The following ELAVL1 variants were observed in gnomAD, a reference collection of about 807,000 sequenced individuals.
ELAVL1 encodes the protein ELAV like RNA binding protein 1.
A neutral mutation model predicts 28.4 loss-of-function variants in ELAVL1; 1 was observed. The ratio of observed to expected loss-of-function variants is 0.04; its 90% confidence interval spans 0.01 to 0.17. The LOEUF (loss-of-function observed/expected upper bound fraction) is 0.17. Among genes scored for constraint, ELAVL1 ranks in the 10% least tolerant of loss-of-function variants. ELAVL1 has a pLI of 1.00. For missense variants in ELAVL1, 157 were observed against 447.2 expected (o/e 0.35, Z 5.85); for synonymous variants, 174 against 183.5 (o/e 0.95, Z 0.42).
chr19:7,990,668 A>C (rs1985727918), intron 2 of ELAVL1, among the ~76,000 whole-genome samples: 2 of 152,140 alleles, frequency 1.3e-5, no homozygotes, highest in Non-Finnish European at 2.9e-5. Flanking sequence ...GCCCAGCCTG[A>C]AGTGAGTTTT....
At position 7,959,067 on chromosome 19, in the gene ELAVL1, A is replaced by T. The variant is rs1256908022; in HGVS notation, c.*4416T>A. On this transcript the variant is annotated 3_prime_UTR_variant, in exon 6 of 6. Coordinates refer to ENST00000407627, the MANE Select transcript of ELAVL1 (RefSeq NM_001419.3). Reference sequence around the variant, plus strand: ...TTTATTCACAAGGATTAAAAAAAAAAAATAAAAAGGCAATGGGCTGATGGA... The same window carrying T: ...TTTATTCACAAGGATTAAAAAAAAATAATAAAAAGGCAATGGGCTGATGGA... 1.3e-5 allele frequency: 2 copies of T among 153,520 alleles called. No individual in the cohort carries two copies. The highest frequency in any genetic ancestry group is 2.9e-5 in the Non-Finnish European group (2 of 68,008). 9.5% of individuals were successfully genotyped at this position (153,520 alleles called of 1,614,324 possible). A position where few individuals can be genotyped will look rare whatever the true frequency, so the allele number is the denominator to read the frequency against.
intron 2 of ELAVL1, among the ~76,000 whole-genome samples, chr19:7,985,110 G>C (rs918016415): frequency 8.5e-5 from 13 of 152,166 alleles, no homozygotes; most frequent in Admixed American, 8.5e-4. Flanking sequence ...TGTAGAGATG[G>C]GGTTTCGCCA....
chr19:7,980,983 G>GCT, intron 3 of ELAVL1, 100 bp downstream of exon 3: 2 of 1,209,684 alleles, frequency 1.7e-6, no homozygotes, highest in South Asian at 2.5e-5. Flanking sequence ...GAGCGGCTGT[G>GCT]CTCATAGTCC....
In ELAVL1 at chr19:7,959,187, T is replaced by C. The variant is rs1984737926; in HGVS notation, c.*4296A>G. On this transcript the variant is annotated 3_prime_UTR_variant, in exon 6 of 6. Coordinates refer to ENST00000407627, the MANE Select transcript of ELAVL1 (RefSeq NM_001419.3). ...CTTCAAAAGAACACAATGGGATTCA[T>C]TTTATTGTTGACTTTTGGACACCAG... The C allele has an allele frequency of 6.6e-6, 1 of 152,670 alleles. No individual in the cohort carries two copies. Among genetic ancestry groups the C allele is most frequent in the African/African-American group, 2.4e-5 (1 of 41,434 alleles). 9.5% of individuals were successfully genotyped at this position (152,670 alleles called of 1,614,324 possible). A position where few individuals can be genotyped will look rare whatever the true frequency, so the allele number is the denominator to read the frequency against.
Position 7,963,275 on chromosome 19 carries a change from C to T in ELAVL1, c.*208G>A, listed in dbSNP as rs987024659. The T allele has an allele frequency of 8.4e-6, 5 of 598,718 alleles. No homozygotes were observed. Among genetic ancestry groups the T allele is most frequent in the Non-Finnish European group, 1.1e-5 (4 of 350,492 alleles). The allele number at this position is 598,718 out of a possible 1,614,324, so 37.1% of individuals were successfully genotyped here. Reference sequence around the variant, plus strand: ...TATATATCTTAAAGGAAATAACTTACGAAACTTAAGATTGGTCTAACATTG... The same window carrying T: ...TATATATCTTAAAGGAAATAACTTATGAAACTTAAGATTGGTCTAACATTG... On this transcript the variant is annotated 3_prime_UTR_variant, in exon 6 of 6. Transcript: ENST00000407627. The surrounding 1 kb of genome is among the most constrained non-coding windows in gnomAD (Gnocchi z 4.5).
intron 5 of ELAVL1, among the ~76,000 whole-genome samples, chr19:7,966,190 T>C (rs1231832645): frequency 6.6e-6 from 1 of 151,172 alleles, no homozygotes; most frequent in Non-Finnish European, 1.5e-5. Flanking sequence ...ACATTAAAAA[T>C]TAAAAAAAAA....
intron 1 of ELAVL1, 136 bp from the exon 2 acceptor site, chr19:7,991,967 G>A: frequency 1.4e-6 from 1 of 719,842 alleles, no homozygotes; most frequent in South Asian, 2.2e-5. Flanking sequence ...TTGAGACAGA[G>A]TCTCACTCTG....
chr19:7,980,944 G>T, intron 3 of ELAVL1, 139 bp downstream of exon 3: 1 of 820,412 alleles, frequency 1.2e-6, no homozygotes. Flanking sequence ...AGATACACCT[G>T]ACCAGGGTAT....
At chr19:7,971,152 G>C (rs1040605507) in intron 4 of ELAVL1, among the ~76,000 whole-genome samples, 5 of 152,194 alleles carry the variant, frequency 3.3e-5, no homozygotes, top group African/African-American at 1.2e-4. Context: ...CAACACCCTG[G>C]GAGACACTAT....
chr19:7,994,829 C>T (rs888186761), intron 1 of ELAVL1, among the ~76,000 whole-genome samples: 10 of 152,134 alleles, frequency 6.6e-5, no homozygotes, highest in African/African-American at 1.9e-4. Flanking sequence ...TGACCCATGC[C>T]TATAGTTTCA....
intron 1 of ELAVL1, among the ~76,000 whole-genome samples, chr19:7,994,028 G>A (rs1568316524): frequency 6.6e-6 from 1 of 152,148 alleles, no homozygotes; most frequent in Admixed American, 6.5e-5. Flanking sequence ...ATTTGAGGAT[G>A]TCCTATGCTC....
At chr19:8,005,324 C>G (rs1455864784) in intron 1 of ELAVL1, among the ~76,000 whole-genome samples, 171 bp downstream of exon 1, 1 of 149,600 alleles carries the variant, frequency 6.7e-6, no homozygotes, top group Non-Finnish European at 1.5e-5. Context: ...CCCACACCGG[C>G]CCGCCCCGAC....
At position 7,968,544 on chromosome 19, in the gene ELAVL1, TG is replaced by T. The variant is rs540454293; in HGVS notation, c.431-755del. Among the ~76,000 whole-genome samples, 30 of 152,376 alleles carry T rather than the reference TG, an allele frequency of 2.0e-4. No individual in the cohort carries two copies. In the East Asian group the frequency reaches 5.6e-3, roughly 28 times the overall value. ...TATCCACAGGCTCGCCAGGCAGGCC[TG>T]GGGTCCCTGTATGGGAAGGGCCAGG... On this transcript the variant is annotated intron_variant, in intron 4 of 5. Transcript: ENST00000407627.
At chr19:8,004,497 G>T (rs1017529020) in intron 1 of ELAVL1, among the ~76,000 whole-genome samples, 5 of 152,158 alleles carry the variant, frequency 3.3e-5, no homozygotes, top group African/African-American at 1.2e-4. Flanking sequence ...GGAGCATGGG[G>T]ATACTGCTGG....
In ELAVL1 at chr19:7,963,172, G is replaced by GTTA. The variant is rs1170859436; in HGVS notation, c.*310_*311insTAA. The GTTA allele has an allele frequency of 1.2e-5, 4 of 336,686 alleles. No individual in the cohort carries two copies. The East Asian group carries it at 2.5e-4, about 21-fold the overall frequency. The allele number at this position is 336,686 out of a possible 1,614,324, so 20.9% of individuals were successfully genotyped here. A position where few individuals can be genotyped will look rare whatever the true frequency, so the allele number is the denominator to read the frequency against. ...GAAACGCGTGTTAGACAGTCTTAGA[G>GTTA]GTTAAAGCATGCTTCAGGTTCACCA... On this transcript the variant is annotated 3_prime_UTR_variant, in exon 6 of 6. Transcript: ENST00000407627. The surrounding 1 kb of genome is among the most constrained non-coding windows in gnomAD (Gnocchi z 4.5).
In ELAVL1 at chr19:7,970,644, A is replaced by T. The variant is rs575520119; in HGVS notation, c.431-2854T>A. Among the ~76,000 whole-genome samples, 163 of 152,300 alleles carry T rather than the reference A, an allele frequency of 1.1e-3. 1 individual carries two copies. Among genetic ancestry groups the T allele is most frequent in the African/African-American group, 3.8e-3 (159 of 41,568 alleles). The stretch of plus-strand genomic sequence containing the variant: ...AACGGCATAATCTCCAGATGAATAC[A>T]CTATAAAGTTCACAATTAAGGTGGA... On this transcript the variant is annotated intron_variant, in intron 4 of 5. Coordinates refer to ENST00000407627, the MANE Select transcript of ELAVL1 (RefSeq NM_001419.3).
intron 3 of ELAVL1, among the ~76,000 whole-genome samples, chr19:7,980,609 C>T (rs1025057354): frequency 1.3e-5 from 2 of 152,204 alleles, no homozygotes; most frequent in Non-Finnish European, 2.9e-5. Context: ...CCTCCACACA[C>T]GGCAACTGCC....
At chr19:7,977,836 G>C (rs1419907182) in intron 3 of ELAVL1, among the ~76,000 whole-genome samples, 2 of 152,268 alleles carry the variant, frequency 1.3e-5, no homozygotes, top group Non-Finnish European at 2.9e-5. Context: ...GGAGGAGCGG[G>C]GCAGAGGCTT....
rs148153878 is a variant in ELAVL1, at chr19:7,982,072, C to G, written c.173-886G>C. ...TTCACAGGCAGATGTCCCTGTACCC[C>G]CTTTGTGAAACACTCAGCACAGGTA... is the stretch of plus-strand genomic sequence containing the variant. On this transcript the variant is annotated intron_variant, in intron 2 of 5. Coordinates refer to ENST00000407627, the MANE Select transcript of ELAVL1 (RefSeq NM_001419.3). This position sits in a 1 kb window ranked among gnomAD's most constrained non-coding sequence, Gnocchi z 4.3. Among the ~76,000 whole-genome samples, 1 of 152,148 alleles carries G rather than the reference C, an allele frequency of 6.6e-6. No individual in the cohort carries two copies. Among genetic ancestry groups the G allele is most frequent in the Non-Finnish European group, 1.5e-5 (1 of 68,026 alleles).
Sources: gnomAD v4.1 joint callset for allele counts (sites outside exome capture counted in the v4.1 genomes callset) on GRCh38, gnomAD v4.1.1 for gene constraint, Gnocchi (gnomAD v3.1) non-coding constraint, MANE v1.5 for transcripts, NCBI Gene and HGNC (gene_info 2026-07-23, HGNC 2026-07-21) for gene names.